The following ARNT variants were observed in gnomAD, a reference collection of about 807,000 sequenced individuals.
ARNT encodes the protein aryl hydrocarbon receptor nuclear translocator, also known as class E basic helix-loop-helix protein 2.
Under a neutral mutation model 105.0 loss-of-function variants are expected in ARNT, and 30 were observed. That is an observed-to-expected ratio of 0.29 (90% CI 0.21 to 0.39). ARNT has a LOEUF of 0.39. Ranked by LOEUF, ARNT falls within the 10% of genes least tolerant of loss-of-function variation. The pLI is 1.00. For missense variants in ARNT, 748 were observed against 978.7 expected (o/e 0.76, Z 3.15); for synonymous variants, 304 against 344.0 (o/e 0.88, Z 1.29).
intron 20 of ARNT, 36 bp from the exon 21 acceptor site, chr1:150,813,374 T>G (rs374110573): frequency 1.5e-5 from 23 of 1,565,366 alleles, no homozygotes; most frequent in Middle Eastern, 1.7e-4. Flanking sequence ...ACAACTCCAA[T>G]CTACACAATT....
chr1:150,846,349 T>C, intron 3 of ARNT, 42 bp from the exon 4 acceptor site: 1 of 1,593,020 alleles, frequency 6.3e-7, no homozygotes, highest in South Asian at 1.1e-5. Flanking sequence ...ATTACACTTG[T>C]TATATCTATT....
chr1:150,849,258 C>T (rs1662852872), intron 3 of ARNT, among the ~76,000 whole-genome samples: 2 of 151,944 alleles, frequency 1.3e-5, no homozygotes, highest in Admixed American at 1.3e-4. Flanking sequence ...GGCACCCACA[C>T]AATCAAATCA....
Position 150,832,405 on chromosome 1 carries a change from T to C in ARNT, c.804-6A>G. On this transcript the variant is annotated splice_polypyrimidine_tract_variant and splice_region_variant and intron_variant, in intron 8 of 21. Coordinates refer to ENST00000358595, the MANE Select transcript of ARNT (RefSeq NM_001668.4). Reference sequence around the variant, plus strand: ...CCACAGAGCTACTGCCACACCTGTTTCAAGGAATAAAGAGATTAAAAGCAA... The same window carrying C: ...CCACAGAGCTACTGCCACACCTGTTCCAAGGAATAAAGAGATTAAAAGCAA... The C allele has an allele frequency of 6.2e-7, 1 of 1,614,046 alleles. No homozygotes were observed. The highest frequency in any genetic ancestry group is 8.5e-7 in the Non-Finnish European group (1 of 1,179,966).
intron 3 of ARNT, among the ~76,000 whole-genome samples, chr1:150,847,117 T>C (rs2102063299): frequency 6.6e-6 from 1 of 152,244 alleles, no homozygotes; most frequent in African/African-American, 2.4e-5. Context: ...CTTCGATTAT[T>C]TTGTATATAT....
At position 150,810,402 on chromosome 1, in the gene ARNT, T is replaced by C. The variant is rs1654516021; in HGVS notation, c.*1619A>G. ...CTTTTTGGTTTCGTAAATTGTGATA[T>C]AAATATATATGTATACTGTAAGTGT... On this transcript the variant is annotated 3_prime_UTR_variant, in exon 22 of 22. Transcript: ENST00000358595. 2 of 222,476 alleles carry C rather than the reference T, an allele frequency of 9.0e-6. No individual in the cohort carries two copies. The highest frequency in any genetic ancestry group is 1.8e-4 in the South Asian group (1 of 5,412). 13.8% of individuals were successfully genotyped at this position (222,476 alleles called of 1,614,324 possible).
intron 13 of ARNT, among the ~76,000 whole-genome samples, chr1:150,825,320 T>C: frequency 6.6e-6 from 1 of 152,250 alleles, no homozygotes; most frequent in South Asian, 2.1e-4. Flanking sequence ...TTATATTCAT[T>C]ACCTTATTTA....
intron 14 of ARNT, among the ~76,000 whole-genome samples, chr1:150,821,437 G>A (rs1028618997): frequency 6.6e-6 from 1 of 152,190 alleles, no homozygotes; most frequent in Admixed American, 6.5e-5. Flanking sequence ...AATTGCTCAT[G>A]AAGAGATGAT....
chr1:150,859,454 C>T (rs975741538), intron 1 of ARNT, among the ~76,000 whole-genome samples: 1 of 151,814 alleles, frequency 6.6e-6, no homozygotes, highest in Non-Finnish European at 1.5e-5. Flanking sequence ...TCCAGTGATC[C>T]TCCTGTCTCA....
At chr1:150,816,708 A>G in intron 18 of ARNT, 80 bp downstream of exon 18, 3 of 1,436,458 alleles carry the variant, frequency 2.1e-6, no homozygotes, top group South Asian at 1.4e-5. Context: ...AACCAGAGAA[A>G]GCAAGGGAAG....
At chr1:150,812,154 T>TCTTA in intron 21 of ARNT, 44 bp from the exon 22 acceptor site, 1 of 1,408,972 alleles carries the variant, frequency 7.1e-7, no homozygotes, top group Non-Finnish European at 9.6e-7. Flanking sequence ...CACCTTGATC[T>TCTTA]CTTACACTTA....
At position 150,823,208 on chromosome 1, in the gene ARNT, G is replaced by C. The variant is rs759398102; in HGVS notation, c.1380C>G (p.Thr460=). ...YSDEIEYIIC[T]NTNVKNSSQE... is the part of the protein sequence containing the mutation. ...ATAATACATACTTCACATTGGTGTT[G>C]GTACAGATGATGTACTCAATTTCAT... The change falls in exon 14 of 22, where the codon ACC becomes ACG. Residue 460 remains threonine, a synonymous_variant. Coordinates refer to ENST00000358595, the MANE Select transcript of ARNT (RefSeq NM_001668.4). 6.2e-7 allele frequency: 1 copy of C among 1,609,838 alleles called. No homozygotes were observed. The highest frequency in any genetic ancestry group is 8.5e-7 in the Non-Finnish European group (1 of 1,177,318).
chr1:150,830,496 A>C (rs1659173902), intron 10 of ARNT: 1 of 152,462 alleles, frequency 6.6e-6, no homozygotes, highest in African/African-American at 2.4e-5. Context: ...ATTTACATAT[A>C]TATTAATTCC....
chr1:150,826,224 A>G (rs1658226227), intron 13 of ARNT, among the ~76,000 whole-genome samples: 1 of 152,106 alleles, frequency 6.6e-6, no homozygotes, highest in South Asian at 2.1e-4. Context: ...CGAGGAAAAC[A>G]TCTATTTTCA....
chr1:150,818,812 G>A (rs1218845140), intron 14 of ARNT, among the ~76,000 whole-genome samples: 1 of 152,024 alleles, frequency 6.6e-6, no homozygotes, highest in Non-Finnish European at 1.5e-5. Flanking sequence ...TAGGGAAAAT[G>A]ATACATAAAC....
chr1:150,835,867 C>T (rs1660239598), intron 7 of ARNT, among the ~76,000 whole-genome samples: 1 of 152,002 alleles, frequency 6.6e-6, no homozygotes, highest in Admixed American at 6.6e-5. Context: ...TATACATTGA[C>T]CAATAACCAT....
chr1:150,858,452 A>T lies in ARNT; in HGVS notation c.34T>A (p.Ser12Thr). The T allele has an allele frequency of 6.2e-7, 1 of 1,603,602 alleles. No homozygotes were observed. Among genetic ancestry groups the T allele is most frequent in the South Asian group, 1.1e-5 (1 of 89,372 alleles). ...AATTANPEMT[S>T]DVPSLGPAIA... ...GCTGGACCCAGTGATGGTACATCTG[A>T]TGTCATTTCTGTCAGGAAAATAATG... Residue 12 changes from serine (S) to threonine (T), a missense_variant, in exon 2 of 22, where the codon TCA becomes ACA. By Grantham distance (58) the Ser-to-Thr change is moderately conservative. Coordinates refer to ENST00000358595, the MANE Select transcript of ARNT (RefSeq NM_001668.4).
intron 3 of ARNT, among the ~76,000 whole-genome samples, chr1:150,848,063 G>A (rs1662585985): frequency 6.6e-6 from 1 of 152,140 alleles, no homozygotes; most frequent in South Asian, 2.1e-4. Flanking sequence ...AAAAAAAACT[G>A]AGGAGATAAG....
chr1:150,820,236 C>T (rs989195049), intron 14 of ARNT, among the ~76,000 whole-genome samples: 2 of 152,216 alleles, frequency 1.3e-5, no homozygotes. Flanking sequence ...TACCCCTGCT[C>T]CAGAGGAAAA....
chr1:150,813,313 T>C lies in ARNT; in HGVS notation c.2139A>G (p.Gly713=). 6.2e-7 allele frequency: 1 copy of C among 1,613,132 alleles called. No homozygotes were observed. The highest frequency in any genetic ancestry group is 8.5e-7 in the Non-Finnish European group (1 of 1,179,508). Residue 713 remains glycine, a synonymous_variant, in exon 21 of 22, where the codon GGA becomes GGG. Coordinates refer to ENST00000358595, the MANE Select transcript of ARNT (RefSeq NM_001668.4). ...CCTCTGCTGTCCGTGTCTGGAATTGTCCTGCAGTCTGTCCAGTCTCAGGAG... is the reference window on the plus strand; with the variant it reads ...CCTCTGCTGTCCGTGTCTGGAATTGCCCTGCAGTCTGTCCAGTCTCAGGAG... ...NFAPETGQTA[G]QFQTRTAEGV...
Sources: allele counts gnomAD v4.1 joint callset (sites outside exome capture counted in the v4.1 genomes callset), GRCh38; gene constraint gnomAD v4.1.1; transcripts MANE v1.5; gene names NCBI Gene and HGNC (gene_info 2026-07-23, HGNC 2026-07-21).